PUSL1: variants seen among roughly 807,000 people sequenced by gnomAD.
The protein encoded by PUSL1 is tRNA pseudouridine synthase-like 1.
PUSL1 carries 51 observed loss-of-function variants against 30.7 expected under a neutral mutation model. The ratio of observed to expected loss-of-function variants is 1.66; its 90% CI spans 1.33 to 2.10. PUSL1 has a LOEUF of 2.10. Among genes scored for constraint, PUSL1 ranks in the 30% most tolerant of loss-of-function variants. PUSL1 has a pLI of 0.00. For synonymous variants in PUSL1, 290 were observed against 192.1 expected (o/e 1.51, Z -4.21); for missense variants, 609 against 427.6 (o/e 1.42, Z -3.74).
At chr1:1,309,352 C>G (rs1395414083) in intron 3 of PUSL1, 79 bp downstream of exon 3, 8 of 1,465,288 alleles carry the variant, frequency 5.5e-6, no homozygotes, top group African/African-American at 2.8e-5. Context: ...GAGATCTGGA[C>G]AGACTTCCTT....
In PUSL1 at chr1:1,310,696, C is replaced by CA. The variant is rs754031339; in HGVS notation, c.699+8_699+9insA. 6.2e-7 allele frequency: 1 copy of CA among 1,610,308 alleles called. No homozygotes were observed. The highest frequency in any genetic ancestry group is 8.5e-7 in the Non-Finnish European group (1 of 1,178,036). On this transcript the variant is annotated intron_variant, in intron 6 of 7. Coordinates refer to ENST00000379031, the MANE Select transcript of PUSL1 (RefSeq NM_153339.3). Reference sequence around the variant, plus strand: ...TCTTTCCTGTATAGACAGGTAGGCTCTGTTCTGGGGCCGTCCCCAGGGGGT... The same window carrying CA: ...TCTTTCCTGTATAGACAGGTAGGCTCATGTTCTGGGGCCGTCCCCAGGGGGT...
At chr1:1,310,526 C>G in intron 5 of PUSL1, 108 bp from the exon 6 acceptor site, 1 of 883,234 alleles carries the variant, frequency 1.1e-6, no homozygotes, top group African/African-American at 1.7e-5. Context: ...TAGTGGGAAC[C>G]AGGCTCGTCT....
chr1:1,308,700 G>C lies in PUSL1; in HGVS notation c.57G>C (p.Gln19His). ...SVRARYLVYF[Q>H]YVGTDFNGVA... ...GCGCGCGCTATCTTGTGTACTTCCAGTACGTGGGCACCGACTTTAAGTAGG... is the reference window on the plus strand; with the variant it reads ...GCGCGCGCTATCTTGTGTACTTCCACTACGTGGGCACCGACTTTAAGTAGG... Residue 19 changes from glutamine (Q) to histidine (H), a missense_variant, in exon 1 of 8, where the codon CAG becomes CAC. Gln to His is a conservative substitution (Grantham distance 24). Transcript: ENST00000379031. 1 of 1,559,214 alleles carries C rather than the reference G, an allele frequency of 6.4e-7. No homozygotes were observed. Among genetic ancestry groups the C allele is most frequent in the Non-Finnish European group, 8.7e-7 (1 of 1,156,036 alleles).
At chr1:1,311,139 G>C (rs1170315849) in intron 7 of PUSL1, 68 bp downstream of exon 7, 1 of 1,531,138 alleles carries the variant, frequency 6.5e-7, no homozygotes, top group East Asian at 2.3e-5. Flanking sequence ...GGCATGGGGT[G>C]GGGGGCCAGG....
chr1:1,311,032 C>A lies in PUSL1; in HGVS notation c.823C>A (p.His275Asn). ...GCACCAGACACGTGTAGCCCCAGCC[C>A]ACGGCTTATTCCTCAAGTCAGTGCT... ...GKHQTRVAPAHGLFLKSVLYG... is the reference protein window; with the variant it reads ...GKHQTRVAPANGLFLKSVLYG... The change falls in exon 7 of 8, where the codon CAC (histidine) becomes AAC (asparagine). Residue 275 changes from histidine to asparagine, a missense_variant. Transcript: ENST00000379031. 6.2e-7 allele frequency: 1 copy of A among 1,612,236 alleles called. No homozygotes were observed. Among genetic ancestry groups the A allele is most frequent in the Non-Finnish European group, 8.5e-7 (1 of 1,179,490 alleles).
In PUSL1 at chr1:1,309,685, C is replaced by CTGG. The variant is rs770533744; in HGVS notation, c.479_481dup (p.Leu160_Asp161insVal). 1.1e-5 allele frequency: 18 copies of CTGG among 1,595,550 alleles called. No individual in the cohort carries two copies. In the African/African-American group the frequency reaches 2.4e-4, roughly 21 times the overall value. On this transcript the variant is annotated inframe_insertion, in exon 5 of 8. Transcript: ENST00000379031. ...CGGTCACCCTGGTCCCTGAAGCTGC[C>CTGG]TGGATATGGTCGCCATGCAGGAAGC...
rs1641960734 is a variant in PUSL1 at position 1,309,370 on chromosome 1, C to T, written c.324-84C>T. On this transcript the variant is annotated intron_variant, in intron 3 of 7. Coordinates refer to ENST00000379031, the MANE Select transcript of PUSL1 (RefSeq NM_153339.3). ...ATCTGGACAGACTTCCTTGTCTGGT[C>T]GGAGCTCGAGGGGGAAGGAGAGCCA... 9 of 1,482,268 alleles carry T rather than the reference C, an allele frequency of 6.1e-6. No homozygotes were observed. In the African/African-American group the frequency reaches 8.3e-5, roughly 14 times the overall value. 91.8% of individuals were successfully genotyped at this position (1,482,268 alleles called of 1,614,324 possible).
At position 1,308,617 on chromosome 1, in the gene PUSL1, C is replaced by T. The variant is rs566370557; in HGVS notation, c.-27C>T. The T allele has an allele frequency of 2.9e-4, 419 of 1,457,510 alleles. 1 individual carries two copies. Among genetic ancestry groups the T allele is most frequent in the Non-Finnish European group, 3.5e-4 (383 of 1,094,990 alleles). The allele number at this position is 1,457,510 out of a possible 1,614,324, so 90.3% of individuals were successfully genotyped here. ...GCAGGATTCCTGCGCTGGAGGCCGC[C>T]TCTGACGCCACCGGCTGGGCTCCGC... On this transcript the variant is annotated 5_prime_UTR_variant, in exon 1 of 8. Transcript: ENST00000379031.
At position 1,309,676 on chromosome 1, in the gene PUSL1, TGAAGCTGCCTGGATATGGTCGCCATGCAG is replaced by T; in HGVS notation, c.475_503del (p.Cys159ArgfsTer57). ...CCCTCCTGACGGTCACCCTGGTCCC[TGAAGCTGCCTGGATATGGTCGCCATGCAG>T]GAAGCCGCCCAGCACCTCCTCGGCA... On this transcript the variant is annotated splice_acceptor_variant and splice_polypyrimidine_tract_variant and coding_sequence_variant and intron_variant, in exon 5 of 8. Transcript: ENST00000379031. LOFTEE classifies it high-confidence loss of function. 1.0e-4 allele frequency: 163 copies of T among 1,595,562 alleles called. 1 individual carries two copies. Among genetic ancestry groups the T allele is most frequent in the Non-Finnish European group, 3.1e-5 (36 of 1,167,106 alleles).
chr1:1,310,802 G>T (rs769312417), intron 6 of PUSL1, 107 bp from the exon 7 acceptor site: 1 of 1,609,342 alleles, frequency 6.2e-7, no homozygotes, highest in Non-Finnish European at 8.5e-7. Context: ...GGAGGATGAC[G>T]GCTGTGCTGG....
In PUSL1 at chr1:1,311,225, C is replaced by T. The variant is rs540616703; in HGVS notation, c.863-105C>T. 162 of 1,393,060 alleles carry T rather than the reference C, an allele frequency of 1.2e-4. No individual in the cohort carries two copies. In the African/African-American group the frequency reaches 1.9e-3, roughly 17 times the overall value. The allele number at this position is 1,393,060 out of a possible 1,614,324, so 86.3% of individuals were successfully genotyped here. A position where few individuals can be genotyped will look rare whatever the true frequency, so the allele number is the denominator to read the frequency against. On this transcript the variant is annotated intron_variant, in intron 7 of 7. Transcript: ENST00000379031. ...CAGTCCCTCAGGCCAGCCCGTAGCC[C>T]GTCCTGGGCTGGCCCACTCCCTGGT...
chr1:1,310,589 G>A (rs765079406), intron 5 of PUSL1, 45 bp from the exon 6 acceptor site: 5 of 1,424,616 alleles, frequency 3.5e-6, no homozygotes, highest in African/African-American at 2.9e-5. Context: ...GGCTGAGGAT[G>A]GCAAACACTG....
intron 5 of PUSL1, 58 bp from the exon 6 acceptor site, chr1:1,310,576 G>C: frequency 7.5e-7 from 1 of 1,339,568 alleles, no homozygotes; most frequent in Non-Finnish European, 1.0e-6. Context: ...AGGCCACATA[G>C]TAGGCTGAGG....
intron 5 of PUSL1, 25 bp from the exon 6 acceptor site, chr1:1,310,609 C>T: frequency 1.3e-6 from 2 of 1,525,082 alleles, no homozygotes; most frequent in African/African-American, 1.4e-5. Flanking sequence ...GCCCCACAGA[C>T]ACCTACAGGT....
At position 1,309,571 on chromosome 1, in the gene PUSL1, T is replaced by C. The variant is rs1641977674; in HGVS notation, c.441T>C (p.Phe147=). ...ACCGGCGTGATGAGCTGCCGGTGTT[T>C]GAACGCAACCTATGCTGGACTCTCC... ...GCHRRDELPV[F]ERNLCWTLPA... Residue 147 remains phenylalanine, a synonymous_variant, in exon 4 of 8, where the codon TTT becomes TTC. Transcript: ENST00000379031. The C allele has an allele frequency of 3.7e-6, 6 of 1,612,162 alleles. No homozygotes were observed. The highest frequency in any genetic ancestry group is 5.1e-6 in the Non-Finnish European group (6 of 1,179,756).
intron 1 of PUSL1, 47 bp from the exon 2 acceptor site, chr1:1,308,868 C>A: frequency 7.0e-7 from 1 of 1,423,332 alleles, no homozygotes. Context: ...CGGCGGAGAC[C>A]CCAGGGCAGG....
chr1:1,311,269 G>T, intron 7 of PUSL1, 61 bp from the exon 8 acceptor site: 1 of 1,466,742 alleles, frequency 6.8e-7, no homozygotes, highest in East Asian at 2.4e-5. Flanking sequence ...TGGTCTCAGC[G>T]GTGGGGAGGG....
intron 3 of PUSL1, 57 bp downstream of exon 3, chr1:1,309,330 G>A (rs1437447668): frequency 6.9e-7 from 1 of 1,447,238 alleles, no homozygotes; most frequent in Non-Finnish European, 9.2e-7. Flanking sequence ...CATCTGTCGC[G>A]GGCGGAGGCT....
At position 1,309,871 on chromosome 1, in the gene PUSL1, C is replaced by A; in HGVS notation, c.644+20C>A. On this transcript the variant is annotated intron_variant, in intron 5 of 7. Coordinates refer to ENST00000379031, the MANE Select transcript of PUSL1 (RefSeq NM_153339.3). ...GAGCAGGTGAGGAAGGGCCCCTGGG[C>A]TGTGGCCCTGCCCTCAAGTCACGTG... 6.8e-7 allele frequency: 1 copy of A among 1,473,426 alleles called. No individual in the cohort carries two copies. Among genetic ancestry groups the A allele is most frequent in the African/African-American group, 1.4e-5 (1 of 70,684 alleles). 91.3% of individuals were successfully genotyped at this position (1,473,426 alleles called of 1,614,324 possible). A position where few individuals can be genotyped will look rare whatever the true frequency, so the allele number is the denominator to read the frequency against.
Sources: allele counts gnomAD v4.1 joint callset, GRCh38; gene constraint gnomAD v4.1.1; transcripts MANE v1.5; gene names NCBI Gene and HGNC (gene_info 2026-07-23, HGNC 2026-07-21).